The following TTLL7 variants were observed in gnomAD, a reference collection of about 807,000 sequenced individuals.
The protein encoded by TTLL7 is tubulin polyglutamylase TTLL7.
TTLL7 carries 53 observed loss-of-function variants against 120.2 expected under a neutral mutation model. The ratio of observed to expected loss-of-function variants is 0.44; its 90% CI spans 0.35 to 0.55. The LOEUF (loss-of-function observed/expected upper bound fraction) is 0.55, where lower values mean the gene tolerates loss of function less well. Among genes scored for constraint, TTLL7 ranks in the 20% least tolerant of loss-of-function variants. The pLI, the probability that TTLL7 is intolerant of heterozygous loss-of-function variation, is 0.00. For missense variants in TTLL7, 803 were observed against 1,054.7 expected (o/e 0.76, Z 3.31); for synonymous variants, 353 against 351.7 (o/e 1.00, Z -0.04).
At chr1:83,899,175 G>T (rs960640815) in intron 18 of TTLL7, among the ~76,000 whole-genome samples, 1 of 151,832 alleles carries the variant, frequency 6.6e-6, no homozygotes, top group African/African-American at 2.4e-5. Context: ...CTGAATAAGG[G>T]GAAGAATGTC....
chr1:83,932,277 CAG>C (rs1028302725), intron 9 of TTLL7, among the ~76,000 whole-genome samples: 1 of 152,150 alleles, frequency 6.6e-6, no homozygotes, highest in Middle Eastern at 3.4e-3. Flanking sequence ...AGAAAAGTAA[CAG>C]GGGCAGAAGA....
intron 19 of TTLL7, chr1:83,889,862 T>C: frequency 2.2e-6 from 1 of 455,590 alleles, no homozygotes; most frequent in Non-Finnish European, 4.4e-6. Context: ...ATCCAACTTG[T>C]ATGACTGAGA....
intron 8 of TTLL7, 134 bp downstream of exon 8, chr1:83,937,718 A>AT (rs1251824254): frequency 3.1e-6 from 3 of 982,804 alleles, no homozygotes; most frequent in East Asian, 2.4e-5. Context: ...TAATGATCTG[A>AT]TTTTTTTCTC....
intron 18 of TTLL7, among the ~76,000 whole-genome samples, chr1:83,900,927 T>C (rs368849330): frequency 9.2e-5 from 14 of 152,144 alleles, no homozygotes; most frequent in African/African-American, 2.6e-4. Flanking sequence ...TTTTTACTTG[T>C]TTTTTCCTCT....
rs1653140356 is a variant in TTLL7 at position 83,869,288 on chromosome 1, T to A, written c.*674A>T. The A allele has an allele frequency of 6.6e-6, 1 of 152,224 alleles. No homozygotes were observed. Among genetic ancestry groups the A allele is most frequent in the Non-Finnish European group, 1.5e-5 (1 of 68,086 alleles). 9.4% of individuals were successfully genotyped at this position (152,224 alleles called of 1,614,324 possible). On this transcript the variant is annotated 3_prime_UTR_variant, in exon 21 of 21. Coordinates refer to ENST00000260505, the MANE Select transcript of TTLL7 (RefSeq NM_024686.6). ...ACCGCGCCCAGCCTGTCTTTCATGTTAGATCATAATATGATCTCACCAGAT... is the reference window on the plus strand; with the variant it reads ...ACCGCGCCCAGCCTGTCTTTCATGTAAGATCATAATATGATCTCACCAGAT...
chr1:83,947,366 A>T, intron 5 of TTLL7, 84 bp from the exon 6 acceptor site: 1 of 1,260,648 alleles, frequency 7.9e-7, no homozygotes, highest in East Asian at 2.6e-5. Context: ...TATTTGCCAC[A>T]AAGATTTAAA....
At chr1:83,990,725 G>C (rs1182872094) in intron 1 of TTLL7, among the ~76,000 whole-genome samples, 1 of 152,188 alleles carries the variant, frequency 6.6e-6, no homozygotes, top group Non-Finnish European at 1.5e-5. Context: ...AGGAGAAATT[G>C]TAACACCTGT....
chr1:83,929,417 G>A (rs2100814206), intron 9 of TTLL7, among the ~76,000 whole-genome samples, 187 bp from the exon 10 acceptor site: 1 of 152,120 alleles, frequency 6.6e-6, no homozygotes, highest in Non-Finnish European at 1.5e-5. Context: ...AAATTGCAAG[G>A]GATTGACTAT....
At position 83,999,054 on chromosome 1, in the gene TTLL7, C is replaced by T. The variant is rs1450680327; in HGVS notation, c.-300G>A. ...GACTCGGCAGCCTGCACTGGTGGTC[C>T]GGTGCTCTCCTCCGCCCGCCCACCG... On this transcript the variant is annotated 5_prime_UTR_variant, in exon 1 of 21. Coordinates refer to ENST00000260505, the MANE Select transcript of TTLL7 (RefSeq NM_024686.6). The T allele has an allele frequency of 6.7e-6, 3 of 447,412 alleles. No homozygotes were observed. Among genetic ancestry groups the T allele is most frequent in the African/African-American group, 4.1e-5 (2 of 48,784 alleles). 27.7% of individuals were successfully genotyped at this position (447,412 alleles called of 1,614,324 possible).
chr1:83,941,389 T>G (rs565377957), intron 7 of TTLL7, among the ~76,000 whole-genome samples: 3 of 152,256 alleles, frequency 2.0e-5, no homozygotes, highest in Non-Finnish European at 4.4e-5. Context: ...CAAACATTAC[T>G]TGGTGATTGG....
intron 1 of TTLL7, among the ~76,000 whole-genome samples, chr1:83,993,761 AG>A (rs2100653036): frequency 6.6e-6 from 1 of 152,332 alleles, no homozygotes; most frequent in East Asian, 1.9e-4. Context: ...TGAAAGAAAA[AG>A]GGGGAAAATT....
intron 1 of TTLL7, among the ~76,000 whole-genome samples, chr1:83,976,553 C>T (rs1033941794): frequency 6.6e-6 from 1 of 152,024 alleles, no homozygotes; most frequent in African/African-American, 2.4e-5. Flanking sequence ...TAATGAACTG[C>T]ATCTTTCATC....
chr1:83,990,126 G>A lies in TTLL7; in HGVS notation c.-177+8805C>T, dbSNP rs114803102. 8.5e-3 allele frequency among the ~76,000 whole-genome samples: 1,268 copies of A among 149,376 alleles called. 25 individuals are homozygous for A. Among genetic ancestry groups the A allele is most frequent in the African/African-American group, 0.028 (1,127 of 40,724 alleles). On this transcript the variant is annotated intron_variant, in intron 1 of 20. Coordinates refer to ENST00000260505, the MANE Select transcript of TTLL7 (RefSeq NM_024686.6). ...TTTAGGGTTTTCTAGGTATTGGATC[G>A]TATCAATAAGGAGAGATGATTTGAC...
At chr1:83,908,617 T>C (rs2100766027) in intron 15 of TTLL7, among the ~76,000 whole-genome samples, 1 of 152,184 alleles carries the variant, frequency 6.6e-6, no homozygotes, top group East Asian at 1.9e-4. Context: ...CAGATAAATT[T>C]TGACTCCTGA....
chr1:83,972,929 A>G (rs773765477), intron 1 of TTLL7, among the ~76,000 whole-genome samples: 1 of 151,798 alleles, frequency 6.6e-6, no homozygotes, highest in Non-Finnish European at 1.5e-5. Context: ...TTGTTTTCTT[A>G]TTGTTGAGTT....
chr1:83,919,512 C>A (rs1387648620), intron 13 of TTLL7, among the ~76,000 whole-genome samples, 187 bp downstream of exon 13: 1 of 152,044 alleles, frequency 6.6e-6, no homozygotes, highest in Non-Finnish European at 1.5e-5. Flanking sequence ...CATAATTTTT[C>A]TTGGTAGATA....
Position 83,940,628 on chromosome 1 carries a change from A to G in TTLL7, c.723+1835T>C, listed in dbSNP as rs569500764. ...CACAAATCCAACCTGTGACCATATT[A>G]TATCAATGTTAACCATGTTATCTTA... is the stretch of plus-strand genomic sequence containing the variant. On this transcript the variant is annotated intron_variant, in intron 7 of 20. Transcript: ENST00000260505. 2.0e-5 allele frequency among the ~76,000 whole-genome samples: 3 copies of G among 152,242 alleles called. No homozygotes were observed. In the East Asian group the frequency reaches 5.8e-4, roughly 29 times the overall value.
intron 16 of TTLL7, 119 bp downstream of exon 16, chr1:83,907,337 A>C (rs1368943844): frequency 1.2e-6 from 1 of 836,860 alleles, no homozygotes; most frequent in East Asian, 2.6e-5. Context: ...AAATTTCAAG[A>C]GGTCATGAGT....
Position 83,911,353 on chromosome 1 carries a change from G to T in TTLL7, c.1598C>A (p.Ser533Tyr). ...CATTATCTCAGTACTCTCAGGCATA[G>T]AACACAGAGGCTAAAAAAGATGGAA... is the stretch of plus-strand genomic sequence containing the variant. ...TKTRGPKPLC[S>Y]MPESTEIMKR... The change falls in exon 15 of 21, where the codon TCT (serine) becomes TAT (tyrosine). Residue 533 changes from serine (S) to tyrosine (Y), a missense_variant. Coordinates refer to ENST00000260505, the MANE Select transcript of TTLL7 (RefSeq NM_024686.6). 2 of 1,607,822 alleles carry T rather than the reference G, an allele frequency of 1.2e-6. No individual in the cohort carries two copies. Among genetic ancestry groups the T allele is most frequent in the Non-Finnish European group, 1.7e-6 (2 of 1,177,826 alleles).
Sources: allele counts gnomAD v4.1 joint callset (sites outside exome capture counted in the v4.1 genomes callset), GRCh38; gene constraint gnomAD v4.1.1; transcripts MANE v1.5; gene names NCBI Gene and HGNC (gene_info 2026-07-23, HGNC 2026-07-21).